UXS1: variants seen among roughly 807,000 people sequenced by gnomAD.
UXS1 encodes UDP-glucuronic acid decarboxylase 1.
In UXS1, 33 loss-of-function variants were observed where a neutral mutation model predicts 62.6. The ratio of observed to expected loss-of-function variants is 0.53; its 90% CI spans 0.40 to 0.70. UXS1 has a LOEUF of 0.70. Ranked by LOEUF, UXS1 falls within the 30% of genes least tolerant of loss-of-function variation. The pLI, the probability that UXS1 is intolerant of heterozygous loss-of-function variation, is 0.00. For synonymous variants in UXS1, 213 were observed against 206.8 expected (o/e 1.03, Z -0.26); for missense variants, 434 against 556.3 (o/e 0.78, Z 2.21).
chr2:106,103,921 A>G (rs1677822177), intron 11 of UXS1, among the ~76,000 whole-genome samples: 2 of 152,038 alleles, frequency 1.3e-5, no homozygotes, highest in Non-Finnish European at 2.9e-5. Context: ...GGTAGGTACA[A>G]TTTTATGTGG....
At chr2:106,116,407 C>G (rs1679056713) in intron 9 of UXS1, among the ~76,000 whole-genome samples, 1 of 152,206 alleles carries the variant, frequency 6.6e-6, no homozygotes, top group African/African-American at 2.4e-5. Flanking sequence ...AGCAGGACTT[C>G]TACAACTCGA....
In UXS1 at chr2:106,125,600, TGA is replaced by T; in HGVS notation, c.637+18_637+19del. ...TCCAAGGGCTGGAGTGAACATCTCC[TGA>T]GAGAGCCTCCTACTCACCTCCATAC... On this transcript the variant is annotated intron_variant, in intron 8 of 14. Transcript: ENST00000283148. 6.4e-7 allele frequency: 1 copy of T among 1,554,982 alleles called. No homozygotes were observed. Among genetic ancestry groups the T allele is most frequent in the South Asian group, 1.2e-5 (1 of 82,630 alleles).
intron 13 of UXS1, 35 bp downstream of exon 13, chr2:106,098,681 T>C: frequency 1.3e-6 from 2 of 1,569,116 alleles, no homozygotes; most frequent in Non-Finnish European, 1.7e-6. Flanking sequence ...GCAGGCACAG[T>C]CGATTTTACT....
At chr2:106,150,764 C>T (rs12996704) in intron 5 of UXS1, among the ~76,000 whole-genome samples, 1 of 152,180 alleles carries the variant, frequency 6.6e-6, no homozygotes, top group African/African-American at 2.4e-5. Flanking sequence ...GACTCCGGAA[C>T]TGTAAAGCTA....
In UXS1 at chr2:106,122,117, G is replaced by A. The variant is rs548042307; in HGVS notation, c.759+853C>T. ...ACTGGGCCCTGGGCCTGACAGCATT[G>A]CTCCCAGAAACAGACACTGCATCTA... On this transcript the variant is annotated intron_variant, in intron 9 of 14. Transcript: ENST00000283148. Among the ~76,000 whole-genome samples the A allele has an allele frequency of 2.0e-5, 3 of 152,334 alleles. No individual in the cohort carries two copies. In the East Asian group the frequency reaches 5.8e-4, roughly 29 times the overall value.
At chr2:106,126,913 T>TC (rs1363594238) in intron 7 of UXS1, among the ~76,000 whole-genome samples, 2 of 152,096 alleles carry the variant, frequency 1.3e-5, no homozygotes, top group African/African-American at 4.8e-5. Context: ...CCTCGCTCCC[T>TC]CCCACCTGCT....
In UXS1 at chr2:106,094,022, G is replaced by A. The variant is rs769314727; in HGVS notation, c.*4C>T. 21 of 1,606,800 alleles carry A rather than the reference G, an allele frequency of 1.3e-5. No homozygotes were observed. Among genetic ancestry groups the A allele is most frequent in the Non-Finnish European group, 1.8e-5 (21 of 1,178,124 alleles). ...GGTAGTCTTGTGTCCTAAAAGTGAG[G>A]AGTTCAGCTGTGGCGAGTCCGTCCT... is the stretch of plus-strand genomic sequence containing the variant. On this transcript the variant is annotated 3_prime_UTR_variant, in exon 15 of 15. Coordinates refer to ENST00000283148, the MANE Select transcript of UXS1 (RefSeq NM_001253875.2).
At chr2:106,128,317 G>A (rs377606220) in intron 7 of UXS1, among the ~76,000 whole-genome samples, 1 of 152,176 alleles carries the variant, frequency 6.6e-6, no homozygotes, top group Non-Finnish European at 1.5e-5. Context: ...TAGGAAGAAT[G>A]AATCATCTTA....
intron 6 of UXS1, among the ~76,000 whole-genome samples, chr2:106,136,947 A>C (rs1328543541): frequency 6.9e-6 from 1 of 144,542 alleles, no homozygotes; most frequent in East Asian, 2.0e-4. Context: ...AAAAGAATGG[A>C]GAAGTCAAGA....
intron 1 of UXS1, among the ~76,000 whole-genome samples, chr2:106,182,765 G>A (rs1373483220): frequency 4.6e-5 from 7 of 150,874 alleles, no homozygotes; most frequent in African/African-American, 1.7e-4. Context: ...AGGATAGTTG[G>A]GTGCTGCTTC....
chr2:106,129,525 T>C, intron 7 of UXS1, 149 bp downstream of exon 7: 3 of 705,894 alleles, frequency 4.2e-6, no homozygotes, highest in Non-Finnish European at 7.4e-6. Context: ...GAAATAACAC[T>C]GCAAAACTGC....
At chr2:106,143,408 CAAAAAAAAAAAAAAAAA>C (rs60493984) in intron 6 of UXS1, among the ~76,000 whole-genome samples, 22 of 38,634 alleles carry the variant, frequency 5.7e-4, no homozygotes, top group African/African-American at 2.1e-3. Context: ...GACTCCGTCT[CAAAAAAAAAAAAAAAAA>C]AAAAAAAAAA....
At chr2:106,173,549 G>A (rs138768188) in intron 1 of UXS1, among the ~76,000 whole-genome samples, 72 of 151,876 alleles carry the variant, frequency 4.7e-4, no homozygotes, top group African/African-American at 1.7e-3. Flanking sequence ...GTGAGACTCT[G>A]TCTCAAAAAA....
At chr2:106,129,543 C>T (rs1680258002) in intron 7 of UXS1, 131 bp downstream of exon 7, 1 of 783,744 alleles carries the variant, frequency 1.3e-6, no homozygotes, top group African/African-American at 1.7e-5. Flanking sequence ...TGCCAAATAC[C>T]ACAAGCAGGG....
intron 5 of UXS1, among the ~76,000 whole-genome samples, chr2:106,154,915 G>A (rs1432916561): frequency 1.3e-5 from 2 of 152,226 alleles, no homozygotes; most frequent in Non-Finnish European, 2.9e-5. Context: ...ACACGGTCCT[G>A]CAGGCTGTAC....
At chr2:106,165,255 C>T (rs747033152) in intron 2 of UXS1, among the ~76,000 whole-genome samples, 6 of 152,164 alleles carry the variant, frequency 3.9e-5, no homozygotes, top group South Asian at 2.1e-4. Context: ...CACACACATG[C>T]CCTGGTGGTA....
intron 6 of UXS1, among the ~76,000 whole-genome samples, chr2:106,141,645 C>A (rs1328447981): frequency 6.6e-6 from 1 of 151,936 alleles, no homozygotes; most frequent in South Asian, 2.1e-4. Context: ...GACAGGGTTT[C>A]GCCATGTTGC....
At chr2:106,171,796 T>C (rs1483315306) in intron 1 of UXS1, among the ~76,000 whole-genome samples, 3 of 152,248 alleles carry the variant, frequency 2.0e-5, no homozygotes, top group Non-Finnish European at 4.4e-5. Flanking sequence ...CCGATCACTA[T>C]TTCAAACTGG....
chr2:106,162,817 T>C (rs1682981252), intron 4 of UXS1, among the ~76,000 whole-genome samples: 1 of 152,244 alleles, frequency 6.6e-6, no homozygotes, highest in Non-Finnish European at 1.5e-5. Context: ...TTAATGACTC[T>C]TCTCCAGTCG....
Sources: gnomAD v4.1 joint callset for allele counts (sites outside exome capture counted in the v4.1 genomes callset) on GRCh38, gnomAD v4.1.1 for gene constraint, MANE v1.5 for transcripts, NCBI Gene and HGNC (gene_info 2026-07-23, HGNC 2026-07-21) for gene names.